CD99: variants seen among roughly 807,000 people sequenced by gnomAD.
The protein encoded by CD99 is CD99 antigen.
CD99 carries 19 observed loss-of-function variants against 28.4 expected under a neutral mutation model. The observed-to-expected ratio is 0.67, with a 90% CI of 0.47 to 0.98. The LOEUF (loss-of-function observed/expected upper bound fraction) is 0.98. Among genes scored for constraint, CD99 ranks in the 50% least tolerant of loss-of-function variants. CD99 has a pLI of 0.00. For synonymous variants in CD99, 103 were observed against 92.1 expected, an observed-to-expected ratio of 1.12 and a Z score of -0.67; for missense variants, 283 against 248.8, an observed-to-expected ratio of 1.14 and a Z score of -0.92.
chrX:2,740,029 T>C (rs1490520961), intron 9 of CD99, among the ~76,000 whole-genome samples: 1 of 149,806 alleles, frequency 6.7e-6, no homozygotes, highest in Non-Finnish European at 1.5e-5. Flanking sequence ...GAGGCGGAGG[T>C]TGTGGTGAGC....
chrX:2,720,565 T>C, intron 5 of CD99, 141 bp downstream of exon 5: 1 of 639,744 alleles, frequency 1.6e-6, no homozygotes, highest in Admixed American at 2.6e-5. Flanking sequence ...GTTCATGTAA[T>C]GGAAAATGTA....
At chrX:2,737,418 C>T (rs745975461) in intron 8 of CD99, among the ~76,000 whole-genome samples, 131 of 384 alleles carry the variant, frequency 0.34, no homozygotes, top group South Asian at 0.5. Context: ...CCTCGTGATC[C>T]GCCCGCCTGG....
intron 4 of CD99, among the ~76,000 whole-genome samples, chrX:2,719,999 A>G (rs1216862985): frequency 5.3e-5 from 8 of 152,082 alleles, no homozygotes; most frequent in African/African-American, 1.9e-4. Context: ...GTGGCACAGG[A>G]CCCCATGGCA....
At chrX:2,709,776 T>C (rs2048315283) in intron 1 of CD99, among the ~76,000 whole-genome samples, 1 of 141,122 alleles carries the variant, frequency 7.1e-6, no homozygotes, top group African/African-American at 2.6e-5. Context: ...AGGCCCTGCA[T>C]TGGAAAAAAT....
rs763012842 is a variant in CD99, at chrX:2,709,739, T to C, written c.68-4683T>C. On this transcript the variant is annotated intron_variant, in intron 1 of 9. Transcript: ENST00000381192. The stretch of plus-strand genomic sequence containing the variant: ...GCATGTACATAGACACGCACATGCA[T>C]GTACATAGACATGCACACGTATACC... 8.5e-5 allele frequency among the ~76,000 whole-genome samples: 13 copies of C among 152,348 alleles called. No individual in the cohort carries two copies. In the South Asian group the frequency reaches 2.3e-3, roughly 27 times the overall value.
rs2049792318 is a variant in CD99, at chrX:2,733,670, G to T, written c.476-4530G>T. On this transcript the variant is annotated intron_variant, in intron 8 of 9. Transcript: ENST00000381192. ...TTTAAACATGAATCTAACAGAAACA[G>T]GGCAGTGACTTCCATGTTTTAATGA... is the stretch of plus-strand genomic sequence containing the variant. The T allele has an allele frequency of 8.0e-6, 4 of 499,476 alleles. No individual in the cohort carries two copies. In the South Asian group the frequency reaches 1.3e-4, roughly 17 times the overall value. The allele number at this position is 499,476 out of a possible 1,614,324, so 30.9% of individuals were successfully genotyped here.
intron 8 of CD99, among the ~76,000 whole-genome samples, chrX:2,736,668 T>C (rs1193761128): frequency 6.6e-6 from 1 of 151,784 alleles, no homozygotes; most frequent in East Asian, 1.9e-4. Context: ...CCATCCTGGC[T>C]AACACGGTGG....
At chrX:2,698,115 C>A (rs2047660528) in intron 1 of CD99, among the ~76,000 whole-genome samples, 1 of 151,994 alleles carries the variant, frequency 6.6e-6, no homozygotes, top group Non-Finnish European at 1.5e-5. Flanking sequence ...AAACCACAAG[C>A]CCCTAGACAC....
intron 1 of CD99, among the ~76,000 whole-genome samples, chrX:2,713,954 C>T (rs773167437): frequency 4.6e-5 from 7 of 152,102 alleles, no homozygotes; most frequent in East Asian, 1.9e-4. Context: ...TTCCTCATTC[C>T]GTGGGATTCC....
chrX:2,715,817 G>T (rs2048679725), intron 2 of CD99, among the ~76,000 whole-genome samples: 1 of 152,156 alleles, frequency 6.6e-6, no homozygotes, highest in Non-Finnish European at 1.5e-5. Context: ...GTGAACGCTG[G>T]TCTCTTCCCT....
intron 2 of CD99, chrX:2,715,577 CCTTCT>C (rs1331981658): frequency 6.6e-6 from 1 of 152,226 alleles, no homozygotes; most frequent in Admixed American, 6.5e-5. Context: ...ATCTCAAGAT[CCTTCT>C]CTTAAGCACA....
intron 1 of CD99, among the ~76,000 whole-genome samples, chrX:2,693,274 G>C (rs2047419312): frequency 6.7e-6 from 1 of 148,224 alleles, no homozygotes; most frequent in Non-Finnish European, 1.5e-5. Flanking sequence ...TCCTGATTTT[G>C]GAAGCAGACT....
intron 8 of CD99, among the ~76,000 whole-genome samples, chrX:2,729,857 A>G (rs1959390819): frequency 1.3e-5 from 2 of 152,188 alleles, no homozygotes; most frequent in African/African-American, 4.8e-5. Context: ...TTCTTCAAGA[A>G]CAAAAGCAAA....
intron 7 of CD99, 77 bp downstream of exon 7, chrX:2,723,441 G>A (rs1193268842): frequency 2.0e-6 from 3 of 1,534,910 alleles, no homozygotes; most frequent in Non-Finnish European, 2.7e-6. Context: ...CTGAGAGCTG[G>A]CGGACTGCAC....
chrX:2,713,032 ACACC>A (rs1569435916), intron 1 of CD99, among the ~76,000 whole-genome samples: 2 of 151,924 alleles, frequency 1.3e-5, no homozygotes, highest in Non-Finnish European at 1.5e-5. Context: ...ACAAATGCAC[ACACC>A]CACACATGCA....
At position 2,730,406 on chromosome X, in the gene CD99, T is replaced by C. The variant is rs141806633; in HGVS notation, c.475+4033T>C. Among the ~76,000 whole-genome samples, 662 of 152,182 alleles carry C rather than the reference T, an allele frequency of 4.4e-3. 8 individuals are homozygous for C. Among genetic ancestry groups the C allele is most frequent in the African/African-American group, 0.015 (621 of 41,526 alleles). ...CCAGGATGGTCTTGATCTCCTGACC[T>C]CATGATCCACCTGCCTTGGCCTCCC... On this transcript the variant is annotated intron_variant, in intron 8 of 9. Transcript: ENST00000381192.
At chrX:2,737,923 A>G in intron 8 of CD99, 1 of 663,370 alleles carries the variant, frequency 1.5e-6, no homozygotes, top group Non-Finnish European at 2.8e-6. Context: ...TAGGGAGAAG[A>G]AAGCAACCCT....
Position 2,738,297 on chromosome X carries a change from T to C in CD99, c.532+41T>C, listed in dbSNP as rs758647520. ...AACGATGGCTTGCACACGTGGCCAG[T>C]GTTCCCATTTTATCTTCTCCATCCT... On this transcript the variant is annotated intron_variant, in intron 9 of 9. Coordinates refer to ENST00000381192, the MANE Select transcript of CD99 (RefSeq NM_002414.5). The C allele has an allele frequency of 1.7e-5, 27 of 1,587,860 alleles. No individual in the cohort carries two copies. In the Admixed American group the frequency reaches 2.0e-4, roughly 12 times the overall value.
intron 1 of CD99, among the ~76,000 whole-genome samples, chrX:2,701,079 C>A (rs1355034195): frequency 2.0e-5 from 3 of 151,966 alleles, no homozygotes; most frequent in Admixed American, 2.0e-4. Context: ...ATCCATCCAC[C>A]TATCCACCCT....
Sources: gnomAD v4.1 joint callset for allele counts (sites outside exome capture counted in the v4.1 genomes callset) on GRCh38, gnomAD v4.1.1 for gene constraint, MANE v1.5 for transcripts, NCBI Gene and HGNC (gene_info 2026-07-23, HGNC 2026-07-21) for gene names.